GALNT17: variants seen among roughly 807,000 people sequenced by gnomAD.
GALNT17 encodes the protein polypeptide N-acetylgalactosaminyltransferase 17, also known as UDP-GalNAc:polypeptide N-acetylgalactosaminyltransferase-like 3.
Under a neutral mutation model 63.7 loss-of-function variants are expected in GALNT17, and 29 were observed. The observed-to-expected ratio is 0.46, with a 90% confidence interval of 0.34 to 0.62. The LOEUF (loss-of-function observed/expected upper bound fraction) is 0.62, where lower values mean the gene tolerates loss of function less well. Among genes scored for constraint, GALNT17 ranks in the 20% least tolerant of loss-of-function variants. The pLI is 0.01. For missense variants in GALNT17, 603 were observed against 799.6 expected, an observed-to-expected ratio of 0.75 and a Z score of 2.97; for synonymous variants, 305 against 318.3, an observed-to-expected ratio of 0.96 and a Z score of 0.45.
intron 9 of GALNT17, among the ~76,000 whole-genome samples, chr7:71,684,944 T>C (rs1791329799): frequency 6.6e-6 from 1 of 150,874 alleles, no homozygotes. Flanking sequence ...GTATTTTGGA[T>C]GTGAGCCACC....
intron 6 of GALNT17, among the ~76,000 whole-genome samples, chr7:71,592,281 C>T (rs1032206368): frequency 2.6e-5 from 4 of 152,060 alleles, no homozygotes; most frequent in East Asian, 1.9e-4. Context: ...TGAGACAGGT[C>T]GGGTCTTTCT....
At chr7:71,207,793 G>A (rs1048508699) in intron 1 of GALNT17, among the ~76,000 whole-genome samples, 4 of 152,180 alleles carry the variant, frequency 2.6e-5, no homozygotes, top group African/African-American at 4.8e-5. Context: ...GCTCAAACAC[G>A]AGCATCTGTC....
intron 1 of GALNT17, among the ~76,000 whole-genome samples, chr7:71,156,956 G>GTTTA (rs1333593323): frequency 6.6e-6 from 1 of 150,964 alleles, no homozygotes; most frequent in Non-Finnish European, 1.5e-5. Flanking sequence ...TATTTATTTT[G>GTTTA]TTTATTTATT....
chr7:71,440,195 A>G (rs1302677601), intron 5 of GALNT17, among the ~76,000 whole-genome samples: 6 of 151,704 alleles, frequency 4.0e-5, no homozygotes, highest in Non-Finnish European at 8.8e-5. Context: ...CCTCTTACAT[A>G]TCTTTCTTCT....
chr7:71,346,406 C>T (rs551816047), intron 2 of GALNT17, among the ~76,000 whole-genome samples: 3 of 152,126 alleles, frequency 2.0e-5, no homozygotes, highest in African/African-American at 7.2e-5. Context: ...TATTGACTAC[C>T]TTTTATGTTT....
chr7:71,179,697 C>A (rs187974029), intron 1 of GALNT17, among the ~76,000 whole-genome samples: 1 of 152,168 alleles, frequency 6.6e-6, no homozygotes, highest in Non-Finnish European at 1.5e-5. Flanking sequence ...CAGGGTTCCA[C>A]CTCTGACTTT....
At chr7:71,212,384 G>A (rs760515099) in intron 1 of GALNT17, among the ~76,000 whole-genome samples, 67 of 151,414 alleles carry the variant, frequency 4.4e-4, no homozygotes, top group Non-Finnish European at 8.8e-4. Flanking sequence ...TGGATGCCCA[G>A]GCAAAAGTTT....
At chr7:71,409,454 C>T (rs1301604664) in intron 3 of GALNT17, among the ~76,000 whole-genome samples, 1 of 152,218 alleles carries the variant, frequency 6.6e-6, no homozygotes, top group Non-Finnish European at 1.5e-5. Flanking sequence ...ACTCACTCAT[C>T]TAAGCTTAGA....
chr7:71,231,957 C>G (rs1013785004), intron 1 of GALNT17, among the ~76,000 whole-genome samples: 1 of 151,994 alleles, frequency 6.6e-6, no homozygotes, highest in Non-Finnish European at 1.5e-5. Context: ...GGCATTAAGT[C>G]CATAACATTG....
At chr7:71,588,686 C>G (rs957673100) in intron 6 of GALNT17, among the ~76,000 whole-genome samples, 3 of 152,130 alleles carry the variant, frequency 2.0e-5, no homozygotes, top group Non-Finnish European at 4.4e-5. Flanking sequence ...TCTACAATGT[C>G]GGACAACCCA....
At chr7:71,190,306 G>A (rs1296971331) in intron 1 of GALNT17, among the ~76,000 whole-genome samples, 5 of 152,138 alleles carry the variant, frequency 3.3e-5, no homozygotes, top group East Asian at 1.9e-4. Context: ...TCATGGTAGC[G>A]GATCCCTCAT....
chr7:71,186,930 C>T (rs140929786), intron 1 of GALNT17, among the ~76,000 whole-genome samples: 2 of 152,212 alleles, frequency 1.3e-5, no homozygotes, highest in Admixed American at 6.5e-5. Context: ...CTTTTACTTC[C>T]CCAAGGTAAA....
chr7:71,169,629 C>A (rs1295597460), intron 1 of GALNT17, among the ~76,000 whole-genome samples: 1 of 152,188 alleles, frequency 6.6e-6, no homozygotes, highest in African/African-American at 2.4e-5. Flanking sequence ...GATCATGGCT[C>A]ACTGCAGCCT....
At chr7:71,336,097 C>T (rs1477750940) in intron 2 of GALNT17, among the ~76,000 whole-genome samples, 3 of 134,984 alleles carry the variant, frequency 2.2e-5, no homozygotes, top group Non-Finnish European at 3.1e-5. Context: ...CAGGCTGGAG[C>T]GCAATGGTGC....
At chr7:71,694,538 G>A (rs1791511628) in intron 9 of GALNT17, among the ~76,000 whole-genome samples, 1 of 152,004 alleles carries the variant, frequency 6.6e-6, no homozygotes, top group African/African-American at 2.4e-5. Flanking sequence ...TGTGATTACA[G>A]ATGTGCACCA....
intron 1 of GALNT17, among the ~76,000 whole-genome samples, chr7:71,286,713 G>A (rs1790879916): frequency 6.6e-6 from 1 of 151,564 alleles, no homozygotes; most frequent in African/African-American, 2.4e-5. Context: ...TTCCTCATTT[G>A]TAAAGGAGGG....
intron 5 of GALNT17, among the ~76,000 whole-genome samples, chr7:71,443,558 C>T (rs1396569360): frequency 6.6e-6 from 1 of 151,990 alleles, no homozygotes; most frequent in East Asian, 1.9e-4. Context: ...CTCCTGCTCC[C>T]CTTATTTCTC....
At chr7:71,185,522 C>CTTTTT (rs747181057) in intron 1 of GALNT17, among the ~76,000 whole-genome samples, 26 of 124,622 alleles carry the variant, frequency 2.1e-4, no homozygotes, top group Non-Finnish European at 2.5e-4. Flanking sequence ...CGTTTCTTTT[C>CTTTTT]TTTTTTTTTT....
At chr7:71,645,362 T>C (rs10229929) in intron 6 of GALNT17, among the ~76,000 whole-genome samples, 66,127 of 152,042 alleles carry the variant, frequency 0.43, 16,671 homozygotes, top group East Asian at 0.73. Context: ...CCCATGTTGT[T>C]ATTGTGATAG....
Sources: allele counts gnomAD v4.1 joint callset (sites outside exome capture counted in the v4.1 genomes callset), GRCh38; gene constraint gnomAD v4.1.1; transcripts MANE v1.5; gene names NCBI Gene and HGNC (gene_info 2026-07-23, HGNC 2026-07-21).